The following SUGCT variants were observed in gnomAD, a reference collection of about 807,000 sequenced individuals.
SUGCT encodes succinyl-CoA:glutarate CoA-transferase.
In SUGCT, 41 loss-of-function variants were observed where a neutral mutation model predicts 55.0. The ratio of observed to expected loss-of-function variants is 0.74; its 90% CI spans 0.58 to 0.97. SUGCT has a LOEUF of 0.97. Among genes scored for constraint, SUGCT ranks in the 50% least tolerant of loss-of-function variants. SUGCT has a pLI of 0.00. For missense variants in SUGCT, 568 were observed against 547.8 expected, an observed-to-expected ratio of 1.04 and a Z score of -0.37; for synonymous variants, 187 against 200.4, an observed-to-expected ratio of 0.93 and a Z score of 0.56.
chr7:40,789,645 G>A lies in SUGCT; in HGVS notation c.1153+40148G>A, dbSNP rs192075875. Reference sequence around the variant, plus strand: ...TCTTTTGGATAAATACCCAGGAGTGGGATAGCTGGATTTTGAATTGGGCTC... The same window carrying A: ...TCTTTTGGATAAATACCCAGGAGTGAGATAGCTGGATTTTGAATTGGGCTC... On this transcript the variant is annotated intron_variant, in intron 13 of 13. Coordinates refer to ENST00000335693, the MANE Select transcript of SUGCT (RefSeq NM_001193313.2). Among the ~76,000 whole-genome samples the A allele has an allele frequency of 1.8e-3, 279 of 152,196 alleles. 1 individual carries two copies. The highest frequency in any genetic ancestry group is 6.5e-3 in the African/African-American group (269 of 41,540).
At chr7:40,744,885 A>G (rs1475527172) in intron 12 of SUGCT, among the ~76,000 whole-genome samples, 1 of 152,206 alleles carries the variant, frequency 6.6e-6, no homozygotes, top group Non-Finnish European at 1.5e-5. Context: ...ACAAATCACC[A>G]ACTTCTTTCA....
At chr7:40,850,321 C>T (rs1409461014) in intron 13 of SUGCT, among the ~76,000 whole-genome samples, 1 of 152,106 alleles carries the variant, frequency 6.6e-6, no homozygotes, top group Admixed American at 6.5e-5. Flanking sequence ...CTCTCAGTCT[C>T]CCCCATTTGT....
chr7:40,642,201 G>A (rs1800299571), intron 12 of SUGCT, among the ~76,000 whole-genome samples: 1 of 152,162 alleles, frequency 6.6e-6, no homozygotes, highest in African/African-American at 2.4e-5. Flanking sequence ...TTATGCCGTG[G>A]ATATAATTAT....
At chr7:40,501,168 ATG>A (rs575901908) in intron 12 of SUGCT, among the ~76,000 whole-genome samples, 2 of 152,228 alleles carry the variant, frequency 1.3e-5, no homozygotes, top group African/African-American at 2.4e-5. Context: ...CATAAATTTT[ATG>A]TGTGTCTCTG....
chr7:40,946,022 G>T, the SUGCT span, among the ~76,000 whole-genome samples: 1 of 152,100 alleles, frequency 6.6e-6, no homozygotes, highest in African/African-American at 2.4e-5. Context: ...AATGCCAGCT[G>T]TAGTAGTGAT....
At chr7:40,707,774 G>A (rs1386673517) in intron 12 of SUGCT, among the ~76,000 whole-genome samples, 1 of 152,122 alleles carries the variant, frequency 6.6e-6, no homozygotes, top group Admixed American at 6.6e-5. Flanking sequence ...GAATCTCCAT[G>A]GATGTAAGCC....
chr7:40,925,693 G>C, the SUGCT span, among the ~76,000 whole-genome samples: 1 of 152,000 alleles, frequency 6.6e-6, no homozygotes, highest in Non-Finnish European at 1.5e-5. Flanking sequence ...AAGAAAACTG[G>C]ACCAGCTTCC....
intron 7 of SUGCT, among the ~76,000 whole-genome samples, chr7:40,269,877 C>T (rs974861425): frequency 6.6e-6 from 1 of 152,050 alleles, no homozygotes. Context: ...TCGCTCATGC[C>T]TTTAATCCCA....
rs138984553 is a variant in SUGCT at position 40,440,145 on chromosome 7, GTTTTT to G, written c.817-9114_817-9110del. Among the ~76,000 whole-genome samples the G allele has an allele frequency of 7.3e-3, 500 of 68,422 alleles. 11 individuals carry two copies. The highest frequency in any genetic ancestry group is 0.029 in the African/African-American group (425 of 14,904). 44.9% of individuals were successfully genotyped at this position (68,422 alleles called of 152,430 possible). A position where few individuals can be genotyped will look rare whatever the true frequency, so the allele number is the denominator to read the frequency against. ...TCAAGTTTTTTGTCTGTGTGTGTGT[GTTTTT>G]TTTTTTTTTTTTTTTTTTTTTTTTT... On this transcript the variant is annotated intron_variant, in intron 9 of 13. Transcript: ENST00000335693.
intron 8 of SUGCT, among the ~76,000 whole-genome samples, chr7:40,291,728 C>T (rs1401182804): frequency 6.6e-6 from 1 of 151,914 alleles, no homozygotes; most frequent in Non-Finnish European, 1.5e-5. Flanking sequence ...TATATCATTA[C>T]AATATGTACT....
At chr7:40,300,376 A>T (rs1794459784) in intron 8 of SUGCT, among the ~76,000 whole-genome samples, 1 of 152,192 alleles carries the variant, frequency 6.6e-6, no homozygotes, top group African/African-American at 2.4e-5. Flanking sequence ...TGTAAAAAAG[A>T]TTAAAAAATT....
At chr7:40,598,937 T>A (rs1308096388) in intron 12 of SUGCT, among the ~76,000 whole-genome samples, 1 of 152,186 alleles carries the variant, frequency 6.6e-6, no homozygotes, top group Non-Finnish European at 1.5e-5. Context: ...AATAAGAGCA[T>A]CTCTCTCATC....
chr7:40,694,366 A>G (rs994478779), intron 12 of SUGCT, among the ~76,000 whole-genome samples: 3 of 152,214 alleles, frequency 2.0e-5, no homozygotes, highest in Non-Finnish European at 4.4e-5. Context: ...TTCTCCAGCT[A>G]TAGCTCTGGG....
intron 12 of SUGCT, among the ~76,000 whole-genome samples, chr7:40,540,796 TTC>T (rs1794629166): frequency 6.6e-6 from 1 of 152,234 alleles, no homozygotes; most frequent in African/African-American, 2.4e-5. Flanking sequence ...AACTTTAGAA[TTC>T]TGTGCATTAA....
intron 12 of SUGCT, among the ~76,000 whole-genome samples, chr7:40,510,872 T>A (rs1340145834): frequency 6.6e-6 from 1 of 152,026 alleles, no homozygotes; most frequent in Non-Finnish European, 1.5e-5. Flanking sequence ...CAGTAATAAT[T>A]GTTGTGGGAA....
chr7:40,905,187 T>C, the SUGCT span, among the ~76,000 whole-genome samples: 1 of 152,170 alleles, frequency 6.6e-6, no homozygotes, highest in Admixed American at 6.5e-5. Context: ...ATCTTTTTAC[T>C]TGAATCATTT....
chr7:40,199,045 GT>G (rs796629157), intron 6 of SUGCT, among the ~76,000 whole-genome samples: 25 of 147,358 alleles, frequency 1.7e-4, no homozygotes, highest in East Asian at 1.2e-3. Context: ...GTGTGTGTGT[GT>G]TTTTTTTTTA....
intron 9 of SUGCT, among the ~76,000 whole-genome samples, chr7:40,374,826 G>A (rs901961105): frequency 6.6e-6 from 1 of 152,156 alleles, no homozygotes; most frequent in South Asian, 2.1e-4. Flanking sequence ...ATATGTGGGC[G>A]TGAGTGCAGA....
intron 13 of SUGCT, among the ~76,000 whole-genome samples, chr7:40,835,937 G>A (rs1227696464): frequency 6.9e-6 from 1 of 145,542 alleles, no homozygotes; most frequent in African/African-American, 2.6e-5. Flanking sequence ...CTGTCACCCA[G>A]GCTGGAATGC....
Sources: allele counts gnomAD v4.1 joint callset (sites outside exome capture counted in the v4.1 genomes callset), GRCh38; gene constraint gnomAD v4.1.1; transcripts MANE v1.5; gene names NCBI Gene and HGNC (gene_info 2026-07-23, HGNC 2026-07-21).